RLN1: variants seen among roughly 807,000 people sequenced by gnomAD.
RLN1 encodes the protein relaxin 1.
A neutral mutation model predicts 7.2 loss-of-function variants in RLN1; 4 were observed. The ratio of observed to expected loss-of-function variants is 0.56; its 90% confidence interval spans 0.28 to 1.28. The LOEUF (loss-of-function observed/expected upper bound fraction) is 1.28, where lower values mean the gene tolerates loss of function less well. RLN1 is among the 50% of genes most tolerant of loss of function. The pLI is 0.11. For synonymous variants in RLN1, 105 were observed against 86.0 expected (o/e 1.22, Z -1.22); for missense variants, 293 against 221.1 (o/e 1.32, Z -2.06).
chr9:5,335,601 T>G lies in RLN1; in HGVS notation c.212-4A>C. 6.3e-7 allele frequency: 1 copy of G among 1,583,920 alleles called. No individual in the cohort carries two copies. Among genetic ancestry groups the G allele is most frequent in the Non-Finnish European group, 8.6e-7 (1 of 1,160,496 alleles). On this transcript the variant is annotated splice_region_variant and splice_polypyrimidine_tract_variant and intron_variant, in intron 1 of 1. Coordinates refer to ENST00000223862, the MANE Select transcript of RLN1 (RefSeq NM_006911.4). ...TTGATGAAGGATGGTACAATTTCTG[T>G]TAAGTTTAAAAAAAAAGTGTATGTG...
intron 1 of RLN1, among the ~76,000 whole-genome samples, chr9:5,337,670 G>A (rs979262700): frequency 2.6e-5 from 4 of 152,026 alleles, no homozygotes; most frequent in South Asian, 4.1e-4. Context: ...TACTTCCAAA[G>A]CGATTCCTAC....
intron 1 of RLN1, among the ~76,000 whole-genome samples, chr9:5,337,178 C>A (rs866946858): frequency 6.6e-6 from 1 of 151,866 alleles, no homozygotes; most frequent in South Asian, 2.1e-4. Flanking sequence ...CTCATAAAAA[C>A]GTCTCTGTGC....
chr9:5,335,450 T>C lies in RLN1; in HGVS notation c.359A>G (p.Lys120Arg). ...TTCTTCAAAGCTAAGATTGGAATCC[T>C]TTAATGCAGGTACATACTGCTGTAG... ...PELQQYVPAL[K>R]DSNLSFEEFK... The change falls in exon 2 of 2, where the codon AAG becomes AGG. Residue 120 changes from lysine (K) to arginine (R), a missense_variant. By Grantham distance (26) the Lys-to-Arg change is conservative. Coordinates refer to ENST00000223862, the MANE Select transcript of RLN1 (RefSeq NM_006911.4). 1 of 1,613,796 alleles carries C rather than the reference T, an allele frequency of 6.2e-7. No individual in the cohort carries two copies. The highest frequency in any genetic ancestry group is 8.5e-7 in the Non-Finnish European group (1 of 1,179,810).
In RLN1 at chr9:5,339,526, G is replaced by C; in HGVS notation, c.211+10C>G. ...GCGCGGGAAGGCCGGGAGGGGGCGG[G>C]AGCTCTCACCTGCCACTGGTCTAGG... On this transcript the variant is annotated intron_variant, in intron 1 of 1. Coordinates refer to ENST00000223862, the MANE Select transcript of RLN1 (RefSeq NM_006911.4). 1 of 1,546,344 alleles carries C rather than the reference G, an allele frequency of 6.5e-7. No individual in the cohort carries two copies.
At chr9:5,336,534 G>A (rs770380194) in intron 1 of RLN1, among the ~76,000 whole-genome samples, 2 of 152,006 alleles carry the variant, frequency 1.3e-5, no homozygotes, top group African/African-American at 4.8e-5. Flanking sequence ...CTGTTTTTGT[G>A]TCTCTGGCAC....
At position 5,335,227 on chromosome 9, in the gene RLN1, A is replaced by G. The variant is rs200348324; in HGVS notation, c.*24T>C. On this transcript the variant is annotated 3_prime_UTR_variant, in exon 2 of 2. Coordinates refer to ENST00000223862, the MANE Select transcript of RLN1 (RefSeq NM_006911.4). ...TCAAGACTATGTGTGAAAATTAGAC[A>G]AGATGTGCACAATTAGCTTCATCTC... 66 of 1,434,116 alleles carry G rather than the reference A, an allele frequency of 4.6e-5. 2 individuals carry two copies. The highest frequency in any genetic ancestry group is 6.1e-5 in the Non-Finnish European group (64 of 1,049,810). The allele number at this position is 1,434,116 out of a possible 1,614,324, so 88.8% of individuals were successfully genotyped here.
rs542620162 is a variant in RLN1, at chr9:5,337,798, T to C, written c.211+1738A>G. On this transcript the variant is annotated intron_variant, in intron 1 of 1. Transcript: ENST00000223862. The stretch of plus-strand genomic sequence containing the variant: ...AATTCTTTAAAAATACTTTGAAATC[T>C]CATGTCTCTTCTAAAGAAATAAAAG... 1.3e-4 allele frequency among the ~76,000 whole-genome samples: 20 copies of C among 152,142 alleles called. No individual in the cohort carries two copies. The South Asian group carries it at 4.2e-3, about 32-fold the overall frequency.
At chr9:5,337,921 C>G (rs552983532) in intron 1 of RLN1, among the ~76,000 whole-genome samples, 1 of 151,858 alleles carries the variant, frequency 6.6e-6, no homozygotes, top group East Asian at 1.9e-4. Flanking sequence ...GTTTATGTGG[C>G]AGATTTATGA....
intron 1 of RLN1, among the ~76,000 whole-genome samples, chr9:5,337,042 C>T (rs1816910082): frequency 6.6e-6 from 1 of 151,976 alleles, no homozygotes; most frequent in Non-Finnish European, 1.5e-5. Context: ...TTGTCTTTGC[C>T]CCTAACACTC....
At chr9:5,335,878 C>T (rs1279004879) in intron 1 of RLN1, among the ~76,000 whole-genome samples, 1 of 151,950 alleles carries the variant, frequency 6.6e-6, no homozygotes, top group African/African-American at 2.4e-5. Context: ...TTTTGACTCT[C>T]CCTGACATTA....
At chr9:5,337,857 T>C (rs1280132629) in intron 1 of RLN1, among the ~76,000 whole-genome samples, 1 of 152,058 alleles carries the variant, frequency 6.6e-6, no homozygotes, top group Non-Finnish European at 1.5e-5. Context: ...ATGTGATTAA[T>C]GATTTTCAGC....
chr9:5,337,651 A>G (rs1404359654), intron 1 of RLN1, among the ~76,000 whole-genome samples: 1 of 152,044 alleles, frequency 6.6e-6, no homozygotes, highest in Non-Finnish European at 1.5e-5. Context: ...ATCACAAATT[A>G]CTGACATGTA....
In RLN1 at chr9:5,337,397, G is replaced by T. The variant is rs563711006; in HGVS notation, c.212-1800C>A. 4.6e-5 allele frequency among the ~76,000 whole-genome samples: 7 copies of T among 152,010 alleles called. No homozygotes were observed. In the South Asian group the frequency reaches 1.5e-3, roughly 32 times the overall value. ...TATTTCATAATCCATAACACTTTTAGCTATGGAACCTAGGCTCAGAGAAAA... is the reference window on the plus strand; with the variant it reads ...TATTTCATAATCCATAACACTTTTATCTATGGAACCTAGGCTCAGAGAAAA... On this transcript the variant is annotated intron_variant, in intron 1 of 1. Coordinates refer to ENST00000223862, the MANE Select transcript of RLN1 (RefSeq NM_006911.4).
chr9:5,340,150 C>T (rs1226435874), upstream of RLN1, among the ~76,000 whole-genome samples: 1 of 152,214 alleles, frequency 6.6e-6, no homozygotes, highest in East Asian at 1.9e-4. Context: ...AATATTCTTA[C>T]AACCCAGTTT....
At chr9:5,336,068 T>G (rs972600294) in intron 1 of RLN1, among the ~76,000 whole-genome samples, 3 of 152,072 alleles carry the variant, frequency 2.0e-5, no homozygotes, top group African/African-American at 7.3e-5. Flanking sequence ...ACTCAATGTT[T>G]CGTGGTGGGA....
rs1205852071 is a variant in RLN1 at position 5,335,589 on chromosome 9, G to A, written c.220C>T (p.Pro74Ser). 6.3e-7 allele frequency: 1 copy of A among 1,595,802 alleles called. No individual in the cohort carries two copies. Among genetic ancestry groups the A allele is most frequent in the Non-Finnish European group, 8.6e-7 (1 of 1,168,862 alleles). The stretch of plus-strand genomic sequence containing the variant: ...TCTGTATCTTTGTTGATGAAGGATG[G>A]TACAATTTCTGTTAAGTTTAAAAAA... ...QTPRPVAEIV[P>S]SFINKDTETI... is the part of the protein sequence containing the mutation. The change falls in exon 2 of 2, where the codon CCA becomes TCA. Residue 74 changes from proline (P) to serine (S), a missense_variant. Pro to Ser is a moderately conservative substitution (Grantham distance 74). Coordinates refer to ENST00000223862, the MANE Select transcript of RLN1 (RefSeq NM_006911.4).
At chr9:5,337,688 C>G (rs186061572) in intron 1 of RLN1, among the ~76,000 whole-genome samples, 1 of 151,906 alleles carries the variant, frequency 6.6e-6, no homozygotes, top group African/African-American at 2.4e-5. Context: ...TACCTAGTAA[C>G]GGTAAACATT....
rs1232789592 is a variant in RLN1, at chr9:5,335,004, C to G, written c.*247G>C. ...AGGTTTTATTGTAATTTTAAGTTAA[C>G]AGCATTAAAAAGAATCAACACAATT... On this transcript the variant is annotated 3_prime_UTR_variant, in exon 2 of 2. Transcript: ENST00000223862. 5.6e-6 allele frequency: 2 copies of G among 359,490 alleles called. 1 individual carries two copies. The highest frequency in any genetic ancestry group is 4.2e-5 in the African/African-American group (2 of 47,368). The allele number at this position is 359,490 out of a possible 1,614,324, so 22.3% of individuals were successfully genotyped here.
At chr9:5,336,989 A>AAAAAC (rs546686855) in intron 1 of RLN1, among the ~76,000 whole-genome samples, 286 of 152,106 alleles carry the variant, frequency 1.9e-3, no homozygotes, top group African/African-American at 5.9e-3. Flanking sequence ...CAGAGCAATA[A>AAAAAC]AAAACAAAAC....
Sources: allele counts gnomAD v4.1 joint callset (sites outside exome capture counted in the v4.1 genomes callset), GRCh38; gene constraint gnomAD v4.1.1; transcripts MANE v1.5; gene names NCBI Gene and HGNC (gene_info 2026-07-23, HGNC 2026-07-21).